The following CPD variants were observed in gnomAD, a reference collection of about 807,000 sequenced individuals.
CPD encodes metallocarboxypeptidase D.
Under a neutral mutation model 138.3 loss-of-function variants are expected in CPD, and 69 were observed. The ratio of observed to expected loss-of-function variants is 0.50; its 90% CI spans 0.41 to 0.61. The LOEUF (loss-of-function observed/expected upper bound fraction) is 0.61. Among genes scored for constraint, CPD ranks in the 20% least tolerant of loss-of-function variants. CPD has a pLI of 0.00. For missense variants in CPD, 1,432 were observed against 1,733.3 expected (o/e 0.83, Z 3.09); for synonymous variants, 651 against 642.1 (o/e 1.01, Z -0.21).
chr17:30,461,125 T>C (rs1212356740), intron 17 of CPD, 55 bp from the exon 18 acceptor site: 18 of 1,408,272 alleles, frequency 1.3e-5, no homozygotes, highest in Non-Finnish European at 1.7e-5. Flanking sequence ...CAAAGCCTTA[T>C]TCTTTCTTTT....
chr17:30,426,584 G>C (rs1006595216), intron 6 of CPD, among the ~76,000 whole-genome samples: 53 of 152,292 alleles, frequency 3.5e-4, no homozygotes, highest in African/African-American at 1.2e-3. Context: ...TAACATCTCA[G>C]AAGGCCAATC....
At chr17:30,433,526 C>T (rs1217375188) in intron 8 of CPD, among the ~76,000 whole-genome samples, 1 of 152,176 alleles carries the variant, frequency 6.6e-6, no homozygotes, top group Non-Finnish European at 1.5e-5. Context: ...GCTTTGCCCT[C>T]CAGTCCTCAG....
chr17:30,430,561 A>T (rs1241343062), intron 7 of CPD, among the ~76,000 whole-genome samples: 2 of 152,174 alleles, frequency 1.3e-5, no homozygotes, highest in Admixed American at 6.5e-5. Context: ...ACTGATGGAC[A>T]TTTGGGTTGT....
At chr17:30,427,139 G>A (rs142652833) in intron 6 of CPD, among the ~76,000 whole-genome samples, 4 of 149,408 alleles carry the variant, frequency 2.7e-5, no homozygotes, top group African/African-American at 2.5e-5. Flanking sequence ...CTGAGATTGC[G>A]CCACTGCACT....
Position 30,456,212 on chromosome 17 carries a change from T to A in CPD, c.3338-44T>A, listed in dbSNP as rs201299096. 4.4e-4 allele frequency: 659 copies of A among 1,497,728 alleles called. 3 individuals carry two copies. In the African/African-American group the frequency reaches 8.4e-3, roughly 19 times the overall value. 92.8% of individuals were successfully genotyped at this position (1,497,728 alleles called of 1,614,324 possible). A position where few individuals can be genotyped will look rare whatever the true frequency, so the allele number is the denominator to read the frequency against. On this transcript the variant is annotated intron_variant, in intron 15 of 20. Transcript: ENST00000225719. ...TGAAGGTTAACTTGGGGGAAAAAAA[T>A]CATTTGGATTTCTCCACTGACTTCT...
At chr17:30,448,649 A>C (rs922079973) in intron 12 of CPD, among the ~76,000 whole-genome samples, 4 of 152,208 alleles carry the variant, frequency 2.6e-5, no homozygotes, top group African/African-American at 7.2e-5. Context: ...TAAAGAAAGC[A>C]GACCTTAAGC....
intron 8 of CPD, among the ~76,000 whole-genome samples, chr17:30,434,063 CA>C (rs1449420674): frequency 6.6e-6 from 1 of 152,146 alleles, no homozygotes; most frequent in Non-Finnish European, 1.5e-5. Context: ...AGTAAGCCCC[CA>C]TGAAGCTACC....
intron 14 of CPD, among the ~76,000 whole-genome samples, chr17:30,452,802 A>G (rs966243618): frequency 6.6e-6 from 1 of 151,854 alleles, no homozygotes; most frequent in African/African-American, 2.4e-5. Context: ...AAAGAAAAGG[A>G]GTTTTAATTT....
intron 17 of CPD, among the ~76,000 whole-genome samples, chr17:30,457,476 T>C (rs1468487369): frequency 6.6e-6 from 1 of 152,202 alleles, no homozygotes; most frequent in Non-Finnish European, 1.5e-5. Context: ...GTATTACAAG[T>C]ATCTGTCACT....
Position 30,427,466 on chromosome 17 carries a change from T to G in CPD, c.1925T>G (p.Val642Gly). ...DLNRNFPDQF[V>G]QITDPTQPET... ...AACCGAAATTTCCCAGACCAGTTTG[T>G]TCAGATCACAGATCCTACGCAACCA... is the stretch of plus-strand genomic sequence containing the variant. Residue 642 changes from valine to glycine, a missense_variant, in exon 7 of 21, where the codon GTT becomes GGT. By Grantham distance (109) the Val-to-Gly change is moderately radical. Transcript: ENST00000225719. 1.2e-6 allele frequency: 2 copies of G among 1,614,162 alleles called. No individual in the cohort carries two copies. Among genetic ancestry groups the G allele is most frequent in the Non-Finnish European group, 1.7e-6 (2 of 1,180,006 alleles).
chr17:30,393,995 C>T (rs547933136), intron 2 of CPD, among the ~76,000 whole-genome samples: 1 of 151,590 alleles, frequency 6.6e-6, no homozygotes, highest in African/African-American at 2.4e-5. Context: ...ATTAGTGGGG[C>T]ATGGTGATGC....
chr17:30,461,124 ATTCT>A, intron 17 of CPD, 52 bp from the exon 18 acceptor site: 1 of 1,393,836 alleles, frequency 7.2e-7, no homozygotes, highest in Non-Finnish European at 9.7e-7. Context: ...ACAAAGCCTT[ATTCT>A]TTCTTTTACT....
rs1913636828 is a variant in CPD, at chr17:30,466,338, C to T, written c.*1524C>T. 1 of 152,600 alleles carries T rather than the reference C, an allele frequency of 6.6e-6. No individual in the cohort carries two copies. The highest frequency in any genetic ancestry group is 2.4e-5 in the African/African-American group (1 of 41,448). 9.5% of individuals were successfully genotyped at this position (152,600 alleles called of 1,614,324 possible). A position where few individuals can be genotyped will look rare whatever the true frequency, so the allele number is the denominator to read the frequency against. ...CAAAGCCTTCAGGTGGAGGGGTTTA[C>T]CACCTTCCTAGGTCGTTCAACCAGG... On this transcript the variant is annotated 3_prime_UTR_variant, in exon 21 of 21. Coordinates refer to ENST00000225719, the MANE Select transcript of CPD (RefSeq NM_001304.5).
Position 30,379,288 on chromosome 17 carries a change from T to G in CPD, c.308T>G (p.Leu103Arg). Residue 103 changes from leucine (L) to arginine (R), a missense_variant, in exon 1 of 21, where the codon CTG becomes CGG. Physicochemically the swap from Leu to Arg is moderately radical, Grantham distance 102. Around this residue, in one of 6 missense-constraint regions of CPD, gnomAD observed 484 missense variants for 477.2 expected, o/e 1.01. Coordinates refer to ENST00000225719, the MANE Select transcript of CPD (RefSeq NM_001304.5). The surrounding 1 kb of genome is among the most constrained non-coding windows in gnomAD (Gnocchi z 7.0). Reference sequence around the variant, plus strand: ...TGGGTGCTTCGCCTCACCGCCGGCCTGGGGTCGCTAATCCCTGAGGGCGAC... The same window carrying G: ...TGGGTGCTTCGCCTCACCGCCGGCCGGGGGTCGCTAATCCCTGAGGGCGAC... ...PLWVLRLTAG[L>R]GSLIPEGDAG... is the part of the protein sequence containing the mutation. 6.6e-7 allele frequency: 1 copy of G among 1,508,922 alleles called. No individual in the cohort carries two copies. Among genetic ancestry groups the G allele is most frequent in the Non-Finnish European group, 8.8e-7 (1 of 1,135,440 alleles). 93.5% of individuals were successfully genotyped at this position (1,508,922 alleles called of 1,614,324 possible). A position where few individuals can be genotyped will look rare whatever the true frequency, so the allele number is the denominator to read the frequency against.
At chr17:30,398,014 C>CAA (rs199680962) in intron 2 of CPD, among the ~76,000 whole-genome samples, 3 of 93,862 alleles carry the variant, frequency 3.2e-5, no homozygotes, top group Non-Finnish European at 2.3e-5. Flanking sequence ...ACTGTCTCTA[C>CAA]AAAAAAAAAA....
chr17:30,382,587 G>A (rs932734454), intron 1 of CPD, among the ~76,000 whole-genome samples: 4 of 152,160 alleles, frequency 2.6e-5, no homozygotes, highest in Non-Finnish European at 5.9e-5. Flanking sequence ...TTACAGTAAG[G>A]AAAATCGAAG....
In CPD at chr17:30,449,647, G is replaced by C; in HGVS notation, c.2968G>C (p.Val990Leu). Residue 990 changes from valine to leucine, a missense_variant, in exon 13 of 21, where the codon GTT (valine) becomes CTT (leucine). Val to Leu is a conservative substitution (Grantham distance 32). Coordinates refer to ENST00000225719, the MANE Select transcript of CPD (RefSeq NM_001304.5). ...SEPEEPKIRF[V>L]AGIHGNAPVG... ...GCCTGAAGAACCAAAGATTCGTTTT[G>C]TTGCTGGTATCCATGGAAATGCGCC... 6.2e-7 allele frequency: 1 copy of C among 1,609,344 alleles called. No homozygotes were observed. Among genetic ancestry groups the C allele is most frequent in the Non-Finnish European group, 8.5e-7 (1 of 1,178,982 alleles).
At chr17:30,411,644 C>T (rs938042657) in intron 2 of CPD, among the ~76,000 whole-genome samples, 1 of 152,058 alleles carries the variant, frequency 6.6e-6, no homozygotes, top group Non-Finnish European at 1.5e-5. Flanking sequence ...TCCACTTAAT[C>T]GAATTGGCTA....
At chr17:30,396,925 A>G (rs1236189806) in intron 2 of CPD, among the ~76,000 whole-genome samples, 1 of 152,000 alleles carries the variant, frequency 6.6e-6, no homozygotes, top group Non-Finnish European at 1.5e-5. Context: ...TGCCTGAGAA[A>G]GATACTTGCT....
Sources: allele counts gnomAD v4.1 joint callset (sites outside exome capture counted in the v4.1 genomes callset), GRCh38; gene constraint gnomAD v4.1.1; regional missense constraint gnomAD v4.1.1; non-coding constraint Gnocchi (gnomAD v3.1); transcripts MANE v1.5; gene names NCBI Gene and HGNC (gene_info 2026-07-23, HGNC 2026-07-21).